Variants in GPR174 observed in about 807,000 individuals in gnomAD.
GPR174 encodes G protein-coupled receptor 174, also known as probable G protein-coupled receptor 174.
A neutral mutation model predicts 16.5 loss-of-function variants in GPR174; 8 were observed. The ratio of observed to expected loss-of-function variants is 0.48; its 90% CI spans 0.28 to 0.87. The LOEUF is 0.87. GPR174 is among the 40% of genes least tolerant of loss of function. GPR174 has a pLI of 0.09. For missense variants in GPR174, 214 were observed against 247.5 expected (o/e 0.86, Z 0.91); for synonymous variants, 111 against 94.8 (o/e 1.17, Z -0.99).
intron 1 of GPR174, among the ~76,000 whole-genome samples, chrX:79,150,362 T>G (rs758620280): frequency 1.8e-5 from 2 of 111,669 alleles, no homozygotes; most frequent in Admixed American, 9.5e-5. Flanking sequence ...TTAGTGACAC[T>G]CCTGGACACT....
rs370807297 is a variant in GPR174 at position 79,168,333 on chromosome X, C to T, written c.-556-2119C>T. On this transcript the variant is annotated intron_variant, in intron 2 of 2. Coordinates refer to ENST00000645147, the MANE Select transcript of GPR174 (RefSeq NM_032553.3). Reference sequence around the variant, plus strand: ...ATTTTGAGCAAGTGGTTGCTTATTACCTGTGATGGGATGGTTTCTGGACAG... The same window carrying T: ...ATTTTGAGCAAGTGGTTGCTTATTATCTGTGATGGGATGGTTTCTGGACAG... Among the ~76,000 whole-genome samples the T allele has an allele frequency of 1.3e-4, 15 of 111,512 alleles. No homozygotes were observed. In the East Asian group the frequency reaches 1.7e-3, roughly 13 times the overall value.
chrX:79,169,171 A>G (rs953082617), intron 2 of GPR174, among the ~76,000 whole-genome samples: 1 of 111,735 alleles, frequency 8.9e-6, no homozygotes, highest in African/African-American at 3.3e-5. Flanking sequence ...CCAAGAAAGT[A>G]AGTACAATTG....
chrX:79,166,613 A>C (rs2147457811), intron 2 of GPR174, among the ~76,000 whole-genome samples: 1 of 107,202 alleles, frequency 9.3e-6, no homozygotes, highest in East Asian at 2.9e-4. Context: ...TAACTTTTGT[A>C]TTTTTAGTAG....
intron 2 of GPR174, among the ~76,000 whole-genome samples, chrX:79,162,408 T>TA (rs1311345671): frequency 3.6e-5 from 4 of 111,285 alleles, no homozygotes; most frequent in East Asian, 2.8e-4. Context: ...TTTATCAGTT[T>TA]AAAAAAAAGG....
chrX:79,161,682 C>T (rs1162969881), intron 2 of GPR174, among the ~76,000 whole-genome samples: 1 of 111,470 alleles, frequency 9.0e-6, no homozygotes, highest in African/African-American at 3.3e-5. Context: ...GGGAACAAAC[C>T]AGCAGGTAAA....
chrX:79,157,173 C>CT, intron 2 of GPR174, among the ~76,000 whole-genome samples: 1 of 111,750 alleles, frequency 8.9e-6, no homozygotes, highest in Non-Finnish European at 1.9e-5. Flanking sequence ...TCTGCTGAGT[C>CT]TTTTTTGCCT....
intron 1 of GPR174, among the ~76,000 whole-genome samples, chrX:79,146,116 T>A (rs1926496169): frequency 9.0e-6 from 1 of 111,657 alleles, no homozygotes; most frequent in African/African-American, 3.2e-5. Context: ...CATATGATGA[T>A]ACTATAAATG....
intron 1 of GPR174, among the ~76,000 whole-genome samples, chrX:79,154,119 G>A (rs1012513437): frequency 3.6e-5 from 4 of 111,099 alleles, no homozygotes; most frequent in African/African-American, 6.5e-5. Flanking sequence ...TTAAATATGC[G>A]CTGACTGAGC....
chrX:79,157,016 A>C (rs921523341), intron 2 of GPR174, 98 bp downstream of exon 2: 1 of 111,975 alleles, frequency 8.9e-6, no homozygotes, highest in African/African-American at 3.2e-5. Context: ...AGCGTTTGCT[A>C]CCCACCTGTT....
intron 2 of GPR174, among the ~76,000 whole-genome samples, chrX:79,168,315 G>A (rs1921424960): frequency 9.0e-6 from 1 of 111,495 alleles, no homozygotes. Flanking sequence ...TGAATTTTGA[G>A]CAAGTGGTTG....
intron 2 of GPR174, among the ~76,000 whole-genome samples, chrX:79,159,234 T>C (rs916329865): frequency 9.0e-6 from 1 of 111,396 alleles, no homozygotes; most frequent in African/African-American, 3.3e-5. Flanking sequence ...AATCAAGGTA[T>C]GATGTCTAGT....
chrX:79,157,106 C>T (rs767583064), intron 2 of GPR174, among the ~76,000 whole-genome samples, 188 bp downstream of exon 2: 1 of 111,615 alleles, frequency 9.0e-6, no homozygotes, highest in African/African-American at 3.3e-5. Context: ...TTACAGAACA[C>T]GAAAAGCTGT....
rs1409861436 is a variant in GPR174 at position 79,151,050 on chromosome X, A to T, written c.-653-5772A>T. On this transcript the variant is annotated intron_variant, in intron 1 of 2. Coordinates refer to ENST00000645147, the MANE Select transcript of GPR174 (RefSeq NM_032553.3). ...TAGAGCTTATACTCTATTCTAAATC[A>T]AGTATATTTTTAGTAATAACTCTAG... Among the ~76,000 whole-genome samples, 3 of 110,885 alleles carry T rather than the reference A, an allele frequency of 2.7e-5. No homozygotes were observed. In the Admixed American group the frequency reaches 2.9e-4, roughly 11 times the overall value.
intron 1 of GPR174, among the ~76,000 whole-genome samples, chrX:79,152,723 A>T (rs773309735): frequency 1.8e-5 from 2 of 111,961 alleles, no homozygotes; most frequent in South Asian, 7.5e-4. Flanking sequence ...GGGGCTGACT[A>T]GAAGTATAAA....
chrX:79,147,623 C>G (rs1417323423), intron 1 of GPR174, among the ~76,000 whole-genome samples: 1 of 108,169 alleles, frequency 9.2e-6, no homozygotes, highest in Non-Finnish European at 1.9e-5. Context: ...AGCAACAATA[C>G]AGCCAATTCA....
rs1156727210 is a variant in GPR174, at chrX:79,145,050, CTTTCTTTCT to C, written c.-818_-810del. On this transcript the variant is annotated 5_prime_UTR_variant, in exon 1 of 3. Coordinates refer to ENST00000645147, the MANE Select transcript of GPR174 (RefSeq NM_032553.3). ...TCTTTCTTTCTTTCTTTCTTTCTTT[CTTTCTTTCT>C]TTCTTTTTTTTCTCCTTTTGCTAGT... 1 of 45,572 alleles carries C rather than the reference CTTTCTTTCT, an allele frequency of 2.2e-5. No individual in the cohort carries two copies. The highest frequency in any genetic ancestry group is 4.5e-5 in the Non-Finnish European group (1 of 22,201). 3.8% of individuals were successfully genotyped at this position (45,572 alleles called of 1,213,427 possible).
At chrX:79,162,561 G>A (rs1439855970) in intron 2 of GPR174, among the ~76,000 whole-genome samples, 1 of 112,232 alleles carries the variant, frequency 8.9e-6, no homozygotes, top group African/African-American at 3.2e-5. Flanking sequence ...CTACTGCAAA[G>A]ATGATACAGA....
At chrX:79,161,585 G>T (rs1921234834) in intron 2 of GPR174, among the ~76,000 whole-genome samples, 1 of 111,834 alleles carries the variant, frequency 8.9e-6, no homozygotes, top group South Asian at 3.7e-4. Context: ...TAATTCCATA[G>T]GGCCACTGGT....
chrX:79,169,105 A>G (rs1363693067), intron 2 of GPR174, among the ~76,000 whole-genome samples: 4 of 112,029 alleles, frequency 3.6e-5, no homozygotes, highest in Admixed American at 9.5e-5. Flanking sequence ...TGGCTGAAAA[A>G]TTAGCATGCT....
Sources: gnomAD v4.1 joint callset for allele counts (sites outside exome capture counted in the v4.1 genomes callset) on GRCh38, gnomAD v4.1.1 for gene constraint, MANE v1.5 for transcripts, NCBI Gene and HGNC (gene_info 2026-07-23, HGNC 2026-07-21) for gene names.